Variants in LONRF3 observed in about 807,000 individuals in gnomAD.
The protein encoded by LONRF3 is LON peptidase N-terminal domain and ring finger 3.
In LONRF3, 19 loss-of-function variants were observed where a neutral mutation model predicts 51.7. That is an observed-to-expected ratio of 0.37 (90% CI 0.26 to 0.54). The LOEUF (loss-of-function observed/expected upper bound fraction) is 0.54. Ranked by LOEUF, LONRF3 falls within the 20% of genes least tolerant of loss-of-function variation. The pLI, the probability that LONRF3 is intolerant of heterozygous loss-of-function variation, is 0.86. For missense variants in LONRF3, 521 were observed against 623.9 expected, an observed-to-expected ratio of 0.84 and a Z score of 1.76; for synonymous variants, 265 against 257.8, an observed-to-expected ratio of 1.03 and a Z score of -0.27.
chrX:118,988,028 A>G (rs140562066), intron 3 of LONRF3, among the ~76,000 whole-genome samples: 1,644 of 111,278 alleles, frequency 0.015, 26 homozygotes, highest in African/African-American at 0.051. Context: ...GAGGATCAGA[A>G]GCGCAGACTC....
chrX:118,975,199 AGACGGGGGCCGCCGCGGCTGCGGC>A lies in LONRF3; in HGVS notation c.421_444del (p.Thr141_Ala148del). 2 of 1,170,511 alleles carry A rather than the reference AGACGGGGGCCGCCGCGGCTGCGGC, an allele frequency of 1.7e-6. No individual in the cohort carries two copies. Among genetic ancestry groups the A allele is most frequent in the South Asian group, 3.8e-5 (2 of 52,564 alleles). ...GCAAGCGGCACCGTGGCGGCGGAAG[AGACGGGGGCCGCCGCGGCTGCGGC>A]GGCCACCGAGGTGTGGGACGGCTTT... is the stretch of plus-strand genomic sequence containing the variant. On this transcript the variant is annotated inframe_deletion, in exon 1 of 11. Coordinates refer to ENST00000371628, the MANE Select transcript of LONRF3 (RefSeq NM_001031855.3).
At chrX:119,003,378 GC>G (rs1331344041) in intron 5 of LONRF3, among the ~76,000 whole-genome samples, 2 of 111,329 alleles carry the variant, frequency 1.8e-5, no homozygotes, top group Non-Finnish European at 3.8e-5. Context: ...TATTTTTACA[GC>G]CCACATGGAA....
chrX:119,005,725 CGT>C (rs1233792434), intron 5 of LONRF3, among the ~76,000 whole-genome samples: 1 of 110,485 alleles, frequency 9.1e-6, no homozygotes, highest in Non-Finnish European at 1.9e-5. Context: ...AATGTGTGTG[CGT>C]GTGTGTGTGT....
Position 118,981,203 on chromosome X carries a change from G to T in LONRF3, c.937-1618G>T, listed in dbSNP as rs183557941. The stretch of plus-strand genomic sequence containing the variant: ...CCTGAGCAGGTAGAGTATATGGGTT[G>T]GCCGGGCATGGTGGCTTACTCCTGT... On this transcript the variant is annotated intron_variant, in intron 2 of 10. Coordinates refer to ENST00000371628, the MANE Select transcript of LONRF3 (RefSeq NM_001031855.3). Among the ~76,000 whole-genome samples the T allele has an allele frequency of 2.3e-3, 255 of 110,693 alleles. 1 individual carries two copies. Among genetic ancestry groups the T allele is most frequent in the African/African-American group, 7.9e-3 (242 of 30,464 alleles).
chrX:119,002,625 T>C (rs1054253064), intron 5 of LONRF3, among the ~76,000 whole-genome samples: 1 of 111,128 alleles, frequency 9.0e-6, no homozygotes, highest in African/African-American at 3.3e-5. Flanking sequence ...TTTGTTCATT[T>C]TCTGTTCGCT....
At chrX:119,008,785 A>G (rs1056212989) in intron 6 of LONRF3, among the ~76,000 whole-genome samples, 1 of 111,596 alleles carries the variant, frequency 9.0e-6, no homozygotes, top group Non-Finnish European at 1.9e-5. Flanking sequence ...AGAAAATGGA[A>G]AGGGAAGAAT....
At chrX:119,010,565 C>T (rs1350531892) in intron 7 of LONRF3, among the ~76,000 whole-genome samples, 1 of 111,078 alleles carries the variant, frequency 9.0e-6, no homozygotes, top group Non-Finnish European at 1.9e-5. Context: ...TAGCATTGAG[C>T]CTCTCTGAGC....
intron 4 of LONRF3, 80 bp downstream of exon 4, chrX:118,989,752 C>A: frequency 9.6e-7 from 1 of 1,036,891 alleles, no homozygotes; most frequent in Non-Finnish European, 1.3e-6. Flanking sequence ...TTACCTCTGT[C>A]TGGGGGCTCC....
intron 7 of LONRF3, among the ~76,000 whole-genome samples, chrX:119,009,928 C>A (rs1168785563): frequency 2.7e-5 from 3 of 110,481 alleles, no homozygotes; most frequent in Non-Finnish European, 5.7e-5. Flanking sequence ...CACCACCATG[C>A]CCAGCGAATT....
intron 5 of LONRF3, among the ~76,000 whole-genome samples, chrX:119,000,965 T>C (rs759121345): frequency 2.7e-5 from 3 of 110,873 alleles, no homozygotes; most frequent in African/African-American, 9.8e-5. Context: ...TACAAGGATG[T>C]AACTGGTGGG....
Position 118,974,692 on chromosome X carries a change from G to C in LONRF3, c.-89G>C. 1.2e-6 allele frequency: 1 copy of C among 841,665 alleles called. No individual in the cohort carries two copies. The highest frequency in any genetic ancestry group is 1.6e-6 in the Non-Finnish European group (1 of 608,935). The allele number at this position is 841,665 out of a possible 1,213,427, so 69.4% of individuals were successfully genotyped here. ...GTCAGGAGCTCGGTGGCATGGCGGC[G>C]GTGGCTGCCCCGATTTCCTCCAGCT... On this transcript the variant is annotated 5_prime_UTR_variant, in exon 1 of 11. Coordinates refer to ENST00000371628, the MANE Select transcript of LONRF3 (RefSeq NM_001031855.3).
At chrX:119,007,235 G>A (rs1027207526) in intron 6 of LONRF3, among the ~76,000 whole-genome samples, 1 of 112,002 alleles carries the variant, frequency 8.9e-6, no homozygotes, top group African/African-American at 3.2e-5. Flanking sequence ...TCCCCTCTAG[G>A]ATTGGACTAG....
intron 3 of LONRF3, among the ~76,000 whole-genome samples, chrX:118,988,557 T>C (rs5956095): frequency 0.43 from 47,378 of 109,873 alleles, 7,783 homozygotes; most frequent in African/African-American, 0.56. Flanking sequence ...CTCCCAGCTA[T>C]ATGCTCCCCT....
At chrX:119,009,388 G>A in intron 7 of LONRF3, 141 bp downstream of exon 7, 2 of 602,377 alleles carry the variant, frequency 3.3e-6, no homozygotes, top group Non-Finnish European at 4.9e-6. Context: ...TTTACACCAT[G>A]GAAATTGGCA....
chrX:119,016,502 C>T (rs763730589), intron 10 of LONRF3, among the ~76,000 whole-genome samples: 12 of 109,108 alleles, frequency 1.1e-4, no homozygotes, highest in East Asian at 8.6e-4. Flanking sequence ...AGCCCGCCAC[C>T]GCGCCCGGCT....
At chrX:118,981,987 T>G (rs1227878121) in intron 2 of LONRF3, among the ~76,000 whole-genome samples, 1 of 111,790 alleles carries the variant, frequency 8.9e-6, no homozygotes, top group Non-Finnish European at 1.9e-5. Context: ...AAGTTGCTAG[T>G]GTCCACCTGT....
chrX:119,017,672 A>G lies in LONRF3; in HGVS notation c.2262A>G (p.Ile754Met). The change falls in exon 11 of 11, where the codon ATA becomes ATG. Residue 754 changes from isoleucine (I) to methionine (M), a missense_variant. This residue lies in a region of LONRF3 where 145 missense variants were observed against 247.2 expected (regional missense o/e 0.59). Transcript: ENST00000371628. ...GTATTCGACGAGTCCTGGCCTTCAT[A>G]TCCCGAAACCAAAACTAGTGAGTGG... ...LNGIRRVLAF[I>M]SRNQN is the part of the protein sequence containing the mutation. The G allele has an allele frequency of 8.4e-7, 1 of 1,196,863 alleles. No individual in the cohort carries two copies. Among genetic ancestry groups the G allele is most frequent in the Non-Finnish European group, 1.1e-6 (1 of 887,865 alleles).
intron 1 of LONRF3, among the ~76,000 whole-genome samples, chrX:118,977,859 G>T (rs1347367855): frequency 2.7e-5 from 3 of 111,465 alleles, no homozygotes; most frequent in African/African-American, 9.8e-5. Context: ...ATATGTGCTG[G>T]GCTTTGTAGA....
chrX:118,977,273 T>C (rs58462205), intron 1 of LONRF3, among the ~76,000 whole-genome samples: 9,594 of 110,434 alleles, frequency 0.087, 582 homozygotes, highest in East Asian at 0.33. Context: ...CACTTAACTC[T>C]AGATCTCTAA....
Sources: gnomAD v4.1 joint callset for allele counts (sites outside exome capture counted in the v4.1 genomes callset) on GRCh38, gnomAD v4.1.1 for gene constraint, gnomAD v4.1.1 regional missense constraint, MANE v1.5 for transcripts, NCBI Gene and HGNC (gene_info 2026-07-23, HGNC 2026-07-21) for gene names.